SMCHD1: variants seen among roughly 807,000 people sequenced by gnomAD.
SMCHD1 encodes the protein structural maintenance of chromosomes flexible hinge domain containing 1, also known as structural maintenance of chromosomes flexible hinge domain-containing protein 1.
Under a neutral mutation model 254.7 loss-of-function variants are expected in SMCHD1, and 78 were observed. The ratio of observed to expected loss-of-function variants is 0.31; its 90% CI spans 0.26 to 0.37. SMCHD1 has a LOEUF of 0.37. SMCHD1 is among the 10% of genes least tolerant of loss of function. The pLI, the probability that SMCHD1 is intolerant of heterozygous loss-of-function variation, is 1.00. For missense variants in SMCHD1, 1,840 were observed against 2,408.1 expected (o/e 0.76, Z 4.94); for synonymous variants, 766 against 794.9 (o/e 0.96, Z 0.61).
chr18:2,762,140 G>C lies in SMCHD1; in HGVS notation c.4470G>C (p.Lys1490Asn), dbSNP rs751233003. Residue 1490 changes from lysine (K) to asparagine (N), a missense_variant, in exon 36 of 48, where the codon AAG (lysine) becomes AAC (asparagine). Lys to Asn is a moderately conservative substitution (Grantham distance 94). Transcript: ENST00000320876. The part of the protein sequence containing the change: ...IVEVLPNQPV[K>N]LVPKIKPPTP... ...AAGTCCTGCCTAATCAACCTGTGAAGTTAGTACCTAAAATTAAACCACCTA... is the reference window on the plus strand; with the variant it reads ...AAGTCCTGCCTAATCAACCTGTGAACTTAGTACCTAAAATTAAACCACCTA... 1 of 1,613,606 alleles carries C rather than the reference G, an allele frequency of 6.2e-7. No homozygotes were observed. The highest frequency in any genetic ancestry group is 1.3e-5 in the African/African-American group (1 of 75,004).
intron 17 of SMCHD1, among the ~76,000 whole-genome samples, chr18:2,717,751 T>G (rs990859955): frequency 2.0e-5 from 3 of 152,184 alleles, no homozygotes; most frequent in Non-Finnish European, 4.4e-5. Context: ...GTCTGTGTGG[T>G]CATGTTACCT....
At chr18:2,681,715 G>A (rs146870234) in intron 5 of SMCHD1, among the ~76,000 whole-genome samples, 1 of 151,982 alleles carries the variant, frequency 6.6e-6, no homozygotes, top group African/African-American at 2.4e-5. Context: ...ATAATAGTAT[G>A]TGTATAATTA....
At chr18:2,755,953 C>G (rs1568318909) in intron 34 of SMCHD1, among the ~76,000 whole-genome samples, 2 of 152,160 alleles carry the variant, frequency 1.3e-5, no homozygotes, top group Non-Finnish European at 2.9e-5. Flanking sequence ...TCATCCTAAT[C>G]TGGTTTCGAA....
rs548315315 is a variant in SMCHD1 at position 2,689,291 on chromosome 18, C to T, written c.873+544C>T. On this transcript the variant is annotated intron_variant, in intron 7 of 47. Transcript: ENST00000320876. The stretch of plus-strand genomic sequence containing the variant: ...GGAGTGCAGTGGCGCAACCTCAGCT[C>T]GCTGCAACCTCCACCTCCCAGGTTC... 2.3e-3 allele frequency among the ~76,000 whole-genome samples: 335 copies of T among 146,196 alleles called. 4 individuals carry two copies. Among genetic ancestry groups the T allele is most frequent in the African/African-American group, 8.0e-3 (319 of 39,788 alleles).
At chr18:2,684,469 A>C (rs2073994933) in intron 5 of SMCHD1, among the ~76,000 whole-genome samples, 1 of 151,984 alleles carries the variant, frequency 6.6e-6, no homozygotes, top group Admixed American at 6.6e-5. Flanking sequence ...TGTTTTTCCA[A>C]CCTCTTAACC....
intron 24 of SMCHD1, among the ~76,000 whole-genome samples, chr18:2,731,314 ATAAC>A (rs2075134954): frequency 6.6e-6 from 1 of 152,242 alleles, no homozygotes. Flanking sequence ...TGAATGGACT[ATAAC>A]TAGATTATGA....
rs1209661904 is a variant in SMCHD1, at chr18:2,674,101, C to T, written c.594C>T (p.Ala198=). 1.2e-6 allele frequency: 2 copies of T among 1,602,140 alleles called. No individual in the cohort carries two copies. Among genetic ancestry groups the T allele is most frequent in the Non-Finnish European group, 1.7e-6 (2 of 1,174,746 alleles). ...GMTSKQLNNW[A]VYRLSKFTRQ... ...CCTCTAAACAGCTTAACAACTGGGC[C>T]GTGTATAGGTTGTCAAAATTCACAA... The change falls in exon 5 of 48, where the codon GCC becomes GCT. Residue 198 remains alanine, a synonymous_variant. Transcript: ENST00000320876.
chr18:2,762,194 T>A lies in SMCHD1; in HGVS notation c.4524T>A (p.Val1508=), dbSNP rs946007695. Residue 1508 remains valine (V), a synonymous_variant, in exon 36 of 48, where the codon GTT becomes GTA. Coordinates refer to ENST00000320876, the MANE Select transcript of SMCHD1 (RefSeq NM_015295.3). ...PTPAVSNVRS[V]ASRTLVRDLH... is the part of the protein sequence containing the mutation. ...CAGCTGTTTCAAATGTTCGCTCAGT[T>A]GCCAGTAGGACCTTGGTCAGAGATC... 3.7e-6 allele frequency: 6 copies of A among 1,613,578 alleles called. No individual in the cohort carries two copies. Among genetic ancestry groups the A allele is most frequent in the Admixed American group, 3.3e-5 (2 of 59,992 alleles).
At chr18:2,730,150 T>A (rs1454843856) in intron 24 of SMCHD1, among the ~76,000 whole-genome samples, 1 of 152,206 alleles carries the variant, frequency 6.6e-6, no homozygotes, top group Non-Finnish European at 1.5e-5. Context: ...TTTGTGTTTT[T>A]ACACAAAGGG....
chr18:2,720,366 T>A (rs918422236), intron 19 of SMCHD1, among the ~76,000 whole-genome samples: 1 of 152,248 alleles, frequency 6.6e-6, no homozygotes, highest in Non-Finnish European at 1.5e-5. Flanking sequence ...TCCTACTTCA[T>A]GAATTCAGTA....
At chr18:2,730,459 C>G (rs997913671) in intron 24 of SMCHD1, among the ~76,000 whole-genome samples, 1 of 152,082 alleles carries the variant, frequency 6.6e-6, no homozygotes, top group South Asian at 2.1e-4. Context: ...CGTGAGCCAC[C>G]GTGCCTGGCC....
At chr18:2,670,562 T>G in intron 3 of SMCHD1, among the ~76,000 whole-genome samples, 1 of 152,198 alleles carries the variant, frequency 6.6e-6, no homozygotes, top group Non-Finnish European at 1.5e-5. Flanking sequence ...TTCATCTGCT[T>G]TATTCAGTTC....
In SMCHD1 at chr18:2,738,407, C is replaced by G; in HGVS notation, c.3287C>G (p.Thr1096Ser). 1 of 1,598,322 alleles carries G rather than the reference C, an allele frequency of 6.3e-7. No homozygotes were observed. The highest frequency in any genetic ancestry group is 1.1e-5 in the South Asian group (1 of 88,768). Residue 1096 changes from threonine to serine, a missense_variant, in exon 26 of 48, where the codon ACT (threonine) becomes AGT (serine). This residue lies in a region of SMCHD1 where 881 missense variants were observed against 1,009.5 expected (regional missense o/e 0.87). Transcript: ENST00000320876. ...CTCTTTTTCTCCTAGGTTAATTGGA[C>G]TCCTGAGATTAACAAAGAACACTTG... ...ALAEKIKVNW[T>S]PEINKEHLLQ...
chr18:2,749,830 G>T (rs957579746), intron 30 of SMCHD1, among the ~76,000 whole-genome samples: 3 of 152,146 alleles, frequency 2.0e-5, no homozygotes, highest in African/African-American at 7.2e-5. Flanking sequence ...TAGTGAAATT[G>T]ATCAAGATGA....
chr18:2,748,336 G>T (rs1214014297), intron 30 of SMCHD1, among the ~76,000 whole-genome samples: 1 of 140,592 alleles, frequency 7.1e-6, no homozygotes, highest in South Asian at 2.3e-4. Context: ...GCTAGTCTTT[G>T]CAAAGTTGTG....
chr18:2,688,828 A>G, intron 7 of SMCHD1, 81 bp downstream of exon 7: 1 of 887,468 alleles, frequency 1.1e-6, no homozygotes, highest in Non-Finnish European at 1.6e-6. Context: ...AAAGTATGAA[A>G]TTTTCAAAAT....
intron 45 of SMCHD1, among the ~76,000 whole-genome samples, chr18:2,789,989 C>CT (rs1470909863): frequency 2.6e-5 from 4 of 152,134 alleles, no homozygotes; most frequent in African/African-American, 7.2e-5. Flanking sequence ...TGAGACCAGC[C>CT]TGGCCAACGT....
At chr18:2,672,321 G>A (rs527611283) in intron 3 of SMCHD1, among the ~76,000 whole-genome samples, 120 of 152,222 alleles carry the variant, frequency 7.9e-4, no homozygotes, top group African/African-American at 2.8e-3. Flanking sequence ...CTGCCTCCCA[G>A]GTTCAAGCGA....
intron 5 of SMCHD1, among the ~76,000 whole-genome samples, chr18:2,687,541 T>C (rs927566473): frequency 6.6e-6 from 1 of 152,182 alleles, no homozygotes; most frequent in African/African-American, 2.4e-5. Flanking sequence ...GTTGATTTCT[T>C]TTTATGTATC....
Sources: allele counts gnomAD v4.1 joint callset (sites outside exome capture counted in the v4.1 genomes callset), GRCh38; gene constraint gnomAD v4.1.1; regional missense constraint gnomAD v4.1.1; transcripts MANE v1.5; gene names NCBI Gene and HGNC (gene_info 2026-07-23, HGNC 2026-07-21).